Variants in BTBD9 observed in about 807,000 individuals in gnomAD.
BTBD9 encodes BTB domain containing 9.
In BTBD9, 49 loss-of-function variants were observed where a neutral mutation model predicts 64.3. The observed-to-expected ratio is 0.76, with a 90% CI of 0.61 to 0.97. The LOEUF (loss-of-function observed/expected upper bound fraction) is 0.97. BTBD9 is among the 50% of genes least tolerant of loss of function. The probability of loss-of-function intolerance (pLI) is 0.00; values close to 1 mark genes in which losing one functional copy is unlikely to be tolerated. For missense variants in BTBD9, 598 were observed against 762.1 expected (o/e 0.78, Z 2.53); for synonymous variants, 260 against 274.7 (o/e 0.95, Z 0.53).
intron 5 of BTBD9, 27 bp downstream of exon 5, chr6:38,580,191 A>G (rs746249363): frequency 1.3e-6 from 2 of 1,596,364 alleles, no homozygotes; most frequent in Non-Finnish European, 1.7e-6. Flanking sequence ...ACATAATGTC[A>G]GTTTCTAAGT....
At chr6:38,269,493 G>A (rs1449613121) in intron 8 of BTBD9, among the ~76,000 whole-genome samples, 1 of 152,006 alleles carries the variant, frequency 6.6e-6, no homozygotes, top group African/African-American at 2.4e-5. Flanking sequence ...TAATTCAAAC[G>A]TTTTCAGCTG....
At chr6:38,461,119 C>T (rs192180612) in intron 6 of BTBD9, among the ~76,000 whole-genome samples, 1 of 152,314 alleles carries the variant, frequency 6.6e-6, no homozygotes, top group East Asian at 1.9e-4. Flanking sequence ...TAGTTACAGA[C>T]CTCACATTCC....
intron 8 of BTBD9, among the ~76,000 whole-genome samples, chr6:38,271,856 G>A (rs12529300): frequency 0.022 from 3,355 of 151,864 alleles, 132 homozygotes; most frequent in Admixed American, 0.093. Context: ...GGAGCTTTTA[G>A]ATTGTGCTGT....
At chr6:38,496,779 T>C (rs1034541171) in intron 6 of BTBD9, among the ~76,000 whole-genome samples, 1 of 152,242 alleles carries the variant, frequency 6.6e-6, no homozygotes, top group Admixed American at 6.5e-5. Context: ...GTCATTCCAA[T>C]TAAAATGCAA....
chr6:38,542,846 G>A (rs1020212191), intron 6 of BTBD9, among the ~76,000 whole-genome samples: 1 of 152,066 alleles, frequency 6.6e-6, no homozygotes, highest in African/African-American at 2.4e-5. Context: ...ATCTTATTTT[G>A]CTTATAAGGA....
intron 6 of BTBD9, chr6:38,481,606 C>T (rs1771145576): frequency 6.6e-6 from 1 of 152,216 alleles, no homozygotes; most frequent in African/African-American, 2.4e-5. Context: ...CCTGCCTCCA[C>T]ACTACCCCCT....
At chr6:38,590,333 C>T (rs1378112700) in intron 4 of BTBD9, among the ~76,000 whole-genome samples, 1 of 152,094 alleles carries the variant, frequency 6.6e-6, no homozygotes, top group Non-Finnish European at 1.5e-5. Context: ...AATTAAGTCT[C>T]ATAACAATGC....
At chr6:38,313,094 T>C (rs1030390732) in intron 7 of BTBD9, among the ~76,000 whole-genome samples, 1 of 152,216 alleles carries the variant, frequency 6.6e-6, no homozygotes, top group Non-Finnish European at 1.5e-5. Context: ...CAATGTTTTA[T>C]AGTTTTCATT....
chr6:38,467,845 C>T (rs1770466714), intron 6 of BTBD9, among the ~76,000 whole-genome samples: 1 of 152,180 alleles, frequency 6.6e-6, no homozygotes, highest in Non-Finnish European at 1.5e-5. Flanking sequence ...TCTGTAGATT[C>T]TATTTCCAAA....
chr6:38,333,052 G>A (rs2127582673), intron 7 of BTBD9, among the ~76,000 whole-genome samples: 1 of 152,314 alleles, frequency 6.6e-6, no homozygotes, highest in Admixed American at 6.5e-5. Flanking sequence ...AGGTAGGTCA[G>A]GGGTGGATGG....
Position 38,173,086 on chromosome 6 carries a change from A to C in BTBD9, c.*1899T>G, listed in dbSNP as rs1766860946. On this transcript the variant is annotated 3_prime_UTR_variant, in exon 11 of 11. Coordinates refer to ENST00000481247, the MANE Select transcript of BTBD9 (RefSeq NM_001099272.2). Reference sequence around the variant, plus strand: ...GAATGGCTCATTTCAAAATGTTTGAACTCTGCCCTTGATATGACTGTCTGG... The same window carrying C: ...GAATGGCTCATTTCAAAATGTTTGACCTCTGCCCTTGATATGACTGTCTGG... 1 of 152,164 alleles carries C rather than the reference A, an allele frequency of 6.6e-6. No individual in the cohort carries two copies. The highest frequency in any genetic ancestry group is 1.5e-5 in the Non-Finnish European group (1 of 68,060). The allele number at this position is 152,164 out of a possible 1,614,324, so 9.4% of individuals were successfully genotyped here. A position where few individuals can be genotyped will look rare whatever the true frequency, so the allele number is the denominator to read the frequency against.
chr6:38,545,837 A>AACACACACACACAC (rs1233030307), intron 6 of BTBD9, among the ~76,000 whole-genome samples: 1 of 112,848 alleles, frequency 8.9e-6, no homozygotes, highest in African/African-American at 3.6e-5. Flanking sequence ...TAATATTTAA[A>AACACACACACACAC]ACACACACAC....
chr6:38,458,516 T>C (rs1769923916), intron 6 of BTBD9, among the ~76,000 whole-genome samples: 1 of 152,184 alleles, frequency 6.6e-6, no homozygotes. Context: ...AATCCTATCA[T>C]GATATAAGAT....
intron 8 of BTBD9, among the ~76,000 whole-genome samples, chr6:38,275,034 C>T (rs1407530297): frequency 6.6e-6 from 1 of 152,120 alleles, no homozygotes; most frequent in Non-Finnish European, 1.5e-5. Context: ...GAGCCCGCAT[C>T]GCCAAGTCAA....
chr6:38,556,127 G>A (rs1403988850), intron 6 of BTBD9, among the ~76,000 whole-genome samples: 1 of 152,236 alleles, frequency 6.6e-6, no homozygotes, highest in Non-Finnish European at 1.5e-5. Context: ...AAAGGCCACA[G>A]TCATCATGGA....
At chr6:38,298,407 T>C (rs947864881) in intron 7 of BTBD9, among the ~76,000 whole-genome samples, 3 of 152,224 alleles carry the variant, frequency 2.0e-5, no homozygotes, top group African/African-American at 7.2e-5. Flanking sequence ...TACATACTTA[T>C]GGAGTACATG....
chr6:38,621,032 G>C (rs1306712121), intron 1 of BTBD9, among the ~76,000 whole-genome samples: 2 of 152,130 alleles, frequency 1.3e-5, no homozygotes, highest in African/African-American at 2.4e-5. Flanking sequence ...TCAGACTCAC[G>C]GGACAACCCC....
At position 38,375,266 on chromosome 6, in the gene BTBD9, C is replaced by T. The variant is rs113222808; in HGVS notation, c.1155-30173G>A. 3.7e-3 allele frequency among the ~76,000 whole-genome samples: 567 copies of T among 152,292 alleles called. 6 individuals carry two copies. The highest frequency in any genetic ancestry group is 1.8e-3 in the Non-Finnish European group (122 of 68,022). On this transcript the variant is annotated intron_variant, in intron 6 of 10. Transcript: ENST00000481247. The stretch of plus-strand genomic sequence containing the variant: ...TCATGCTCAAGGTTTATTTGGACAA[C>T]TAAATTGCTTGTATCTTGCTTTTTA...
At chr6:38,180,779 A>T (rs1462407357) in intron 10 of BTBD9, among the ~76,000 whole-genome samples, 1 of 152,166 alleles carries the variant, frequency 6.6e-6, no homozygotes, top group Non-Finnish European at 1.5e-5. Context: ...CGCTGCTCAC[A>T]AAGGGGCGCC....
Sources: allele counts gnomAD v4.1 joint callset (sites outside exome capture counted in the v4.1 genomes callset), GRCh38; gene constraint gnomAD v4.1.1; transcripts MANE v1.5; gene names NCBI Gene and HGNC (gene_info 2026-07-23, HGNC 2026-07-21).